Variants in CHMP3 observed in about 807,000 individuals in gnomAD.
CHMP3 encodes the protein charged multivesicular body protein 3.
In CHMP3, 8 loss-of-function variants were observed where a neutral mutation model predicts 27.4. The observed-to-expected ratio is 0.29, with a 90% CI of 0.17 to 0.53. The LOEUF (loss-of-function observed/expected upper bound fraction) is 0.53. Ranked by LOEUF, CHMP3 falls within the 20% of genes least tolerant of loss-of-function variation. The pLI is 0.96. For missense variants in CHMP3, 208 were observed against 271.5 expected (o/e 0.77, Z 1.64); for synonymous variants, 86 against 85.5 (o/e 1.01, Z -0.03).
intron 3 of CHMP3, among the ~76,000 whole-genome samples, chr2:86,513,665 A>T (rs1219808857): frequency 1.3e-5 from 2 of 152,246 alleles, no homozygotes; most frequent in African/African-American, 2.4e-5. Context: ...CTGCTCAAAA[A>T]ATAAGTTTAC....
chr2:86,550,610 T>C (rs1019466148), intron 1 of CHMP3, among the ~76,000 whole-genome samples: 1 of 152,236 alleles, frequency 6.6e-6, no homozygotes, highest in African/African-American at 2.4e-5. Flanking sequence ...TTCGTAATCA[T>C]ATAAATGGTA....
intron 2 of CHMP3, among the ~76,000 whole-genome samples, chr2:86,536,072 T>C (rs1052520627): frequency 1.4e-5 from 2 of 138,522 alleles, no homozygotes; most frequent in Non-Finnish European, 3.1e-5. Flanking sequence ...CTCGGCTCAC[T>C]GCAAGCTCCG....
chr2:86,557,981 T>A (rs774409695), intron 1 of CHMP3, among the ~76,000 whole-genome samples: 7 of 152,148 alleles, frequency 4.6e-5, no homozygotes, highest in Middle Eastern at 3.2e-3. Flanking sequence ...GAACTCCATC[T>A]CCCTTTCTCA....
chr2:86,555,479 C>T (rs904670958), intron 1 of CHMP3, among the ~76,000 whole-genome samples: 1 of 149,308 alleles, frequency 6.7e-6, no homozygotes, highest in Non-Finnish European at 1.5e-5. Context: ...TCCAGCCTGG[C>T]GACAGAGCAA....
intron 3 of CHMP3, among the ~76,000 whole-genome samples, chr2:86,527,909 C>T (rs953997076): frequency 6.6e-6 from 1 of 151,458 alleles, no homozygotes; most frequent in African/African-American, 2.4e-5. Context: ...TGCATTTAGC[C>T]GAGATCACAC....
intron 3 of CHMP3, among the ~76,000 whole-genome samples, chr2:86,528,966 C>T (rs1325742517): frequency 6.6e-6 from 1 of 152,148 alleles, no homozygotes; most frequent in East Asian, 1.9e-4. Context: ...TCTCAGGCCA[C>T]GTGATAACAC....
chr2:86,520,670 C>T (rs1675486484), intron 3 of CHMP3, among the ~76,000 whole-genome samples: 1 of 152,312 alleles, frequency 6.6e-6, no homozygotes, highest in South Asian at 2.1e-4. Flanking sequence ...ATTTCACAAA[C>T]GTTATGCTTG....
intron 2 of CHMP3, among the ~76,000 whole-genome samples, chr2:86,531,357 A>T (rs1371405112): frequency 6.6e-6 from 1 of 152,002 alleles, no homozygotes; most frequent in Non-Finnish European, 1.5e-5. Context: ...CATGAAGTCC[A>T]GTTTGTCTAC....
chr2:86,527,748 G>A (rs2044232), intron 3 of CHMP3, among the ~76,000 whole-genome samples: 6,732 of 152,164 alleles, frequency 0.044, 257 homozygotes, highest in East Asian at 0.14. Flanking sequence ...ATCACCTGAG[G>A]TCAGGAGTTT....
intron 2 of CHMP3, among the ~76,000 whole-genome samples, chr2:86,537,376 G>A (rs73946224): frequency 0.046 from 6,952 of 152,058 alleles, 518 homozygotes; most frequent in African/African-American, 0.16. Context: ...TTCACACTTC[G>A]TTTTTTAACT....
At chr2:86,516,146 C>CA (rs35800757) in intron 3 of CHMP3, among the ~76,000 whole-genome samples, 43,342 of 83,060 alleles carry the variant, frequency 0.52, 10,914 homozygotes, top group East Asian at 0.88. Context: ...GACTCCATCT[C>CA]AAAAAAAAAA....
At chr2:86,517,305 G>A (rs113146116) in intron 3 of CHMP3, among the ~76,000 whole-genome samples, 1,907 of 151,952 alleles carry the variant, frequency 0.013, 47 homozygotes, top group African/African-American at 0.043. Flanking sequence ...AGTGGCTCAC[G>A]CCTGTAATCC....
intron 1 of CHMP3, among the ~76,000 whole-genome samples, chr2:86,546,421 T>C (rs1227485059): frequency 1.3e-5 from 2 of 149,224 alleles, no homozygotes; most frequent in African/African-American, 4.9e-5. Flanking sequence ...ATTTTCTTAA[T>C]GCCCAGTGAA....
intron 4 of CHMP3, among the ~76,000 whole-genome samples, chr2:86,508,587 G>C (rs1403363649): frequency 1.3e-5 from 2 of 152,130 alleles, no homozygotes; most frequent in Non-Finnish European, 2.9e-5. Flanking sequence ...TAAGTCCCTT[G>C]CTTTGTACCT....
intron 3 of CHMP3, among the ~76,000 whole-genome samples, chr2:86,515,966 G>C (rs2104750480): frequency 6.6e-6 from 1 of 151,972 alleles, no homozygotes; most frequent in South Asian, 2.1e-4. Flanking sequence ...GGCCAACATG[G>C]TGAAACCCCG....
At chr2:86,532,643 G>C (rs1028800317) in intron 2 of CHMP3, among the ~76,000 whole-genome samples, 2 of 151,964 alleles carry the variant, frequency 1.3e-5, no homozygotes, top group African/African-American at 4.8e-5. Context: ...AGCATGAAAG[G>C]GTGCTAAATT....
intron 1 of CHMP3, among the ~76,000 whole-genome samples, chr2:86,554,816 CGTGT>C (rs70956121): frequency 0.023 from 3,280 of 145,374 alleles, 117 homozygotes; most frequent in African/African-American, 0.079. Context: ...TGTGTGCGCG[CGTGT>C]GTGTGTGTGT....
In CHMP3 at chr2:86,549,129, G is replaced by C. The variant is rs565404746; in HGVS notation, c.46-6817C>G. 1.1e-3 allele frequency among the ~76,000 whole-genome samples: 164 copies of C among 147,580 alleles called. 3 individuals carry two copies. Among genetic ancestry groups the C allele is most frequent in the East Asian group, 4.2e-4 (2 of 4,782 alleles). On this transcript the variant is annotated intron_variant, in intron 1 of 5. Coordinates refer to ENST00000263856, the MANE Select transcript of CHMP3 (RefSeq NM_016079.4). ...CTCCCAGACGGGGCGGCCGGGAAGAGGCGCCCCTCACGTCCCAGACGGGGC... is the reference window on the plus strand; with the variant it reads ...CTCCCAGACGGGGCGGCCGGGAAGACGCGCCCCTCACGTCCCAGACGGGGC...
chr2:86,532,643 G>A (rs1028800317), intron 2 of CHMP3, among the ~76,000 whole-genome samples: 4 of 151,964 alleles, frequency 2.6e-5, no homozygotes. Context: ...AGCATGAAAG[G>A]GTGCTAAATT....
Sources: allele counts gnomAD v4.1 joint callset (sites outside exome capture counted in the v4.1 genomes callset), GRCh38; gene constraint gnomAD v4.1.1; transcripts MANE v1.5; gene names NCBI Gene and HGNC (gene_info 2026-07-23, HGNC 2026-07-21).